Variants in ELP4 observed in about 807,000 individuals in gnomAD.
ELP4 encodes elongator complex protein 4.
ELP4 carries 51 observed loss-of-function variants against 48.9 expected under a neutral mutation model. The ratio of observed to expected loss-of-function variants is 1.04; its 90% confidence interval spans 0.83 to 1.32. The LOEUF is 1.32. Ranked by LOEUF, ELP4 falls within the 40% of genes most tolerant of loss-of-function variation. The probability of loss-of-function intolerance (pLI) is 0.00; values close to 1 mark genes in which losing one functional copy is unlikely to be tolerated. For synonymous variants in ELP4, 210 were observed against 189.2 expected, an observed-to-expected ratio of 1.11 and a Z score of -0.90; for missense variants, 519 against 514.6, an observed-to-expected ratio of 1.01 and a Z score of -0.08.
intron 3 of ELP4, among the ~76,000 whole-genome samples, chr11:31,553,621 G>A (rs2133931643): frequency 6.6e-6 from 1 of 151,912 alleles, no homozygotes; most frequent in South Asian, 2.1e-4. Context: ...ACTATTAACT[G>A]TCCGAGGTCT....
Position 31,678,519 on chromosome 11 carries a change from GTGTGTGTGTGTGTGTGTGTGTGTA to G in ELP4, c.1143+28300_1143+28323del, listed in dbSNP as rs1035619138. ...TATGTGTGTGTGTGTGTGTGTGTGT[GTGTGTGTGTGTGTGTGTGTGTGTA>G]TATGTGCATTTTATGTTCTCCTATG... On this transcript the variant is annotated intron_variant, in intron 9 of 9. Transcript: ENST00000640961. 5.2e-5 allele frequency among the ~76,000 whole-genome samples: 7 copies of G among 134,820 alleles called. No individual in the cohort carries two copies. In the East Asian group the frequency reaches 1.1e-3, roughly 20 times the overall value. 88.4% of individuals were successfully genotyped at this position (134,820 alleles called of 152,430 possible). A position where few individuals can be genotyped will look rare whatever the true frequency, so the allele number is the denominator to read the frequency against.
chr11:31,526,385 T>A (rs475012), intron 2 of ELP4, among the ~76,000 whole-genome samples: 13,291 of 152,076 alleles, frequency 0.087, 1,604 homozygotes, highest in African/African-American at 0.27. Flanking sequence ...ATCTCTAACG[T>A]CAAGTAGGCT....
chr11:31,713,447 A>G (rs1048632636), intron 9 of ELP4, among the ~76,000 whole-genome samples: 17 of 152,178 alleles, frequency 1.1e-4, no homozygotes. Context: ...TCAAAGTATA[A>G]TGATTATACA....
At chr11:31,581,297 A>G (rs1188872232) in intron 3 of ELP4, among the ~76,000 whole-genome samples, 2 of 152,138 alleles carry the variant, frequency 1.3e-5, no homozygotes, top group African/African-American at 4.8e-5. Context: ...TCTAGTGTTC[A>G]TATGTATTAG....
chr11:31,691,713 T>C, intron 9 of ELP4, among the ~76,000 whole-genome samples: 2 of 152,160 alleles, frequency 1.3e-5, no homozygotes, highest in East Asian at 3.8e-4. Context: ...CTGAAGTTTC[T>C]TTCTGATTTC....
At chr11:31,754,602 G>A (rs1423748221) in intron 9 of ELP4, among the ~76,000 whole-genome samples, 1 of 152,138 alleles carries the variant, frequency 6.6e-6, no homozygotes, top group African/African-American at 2.4e-5. Flanking sequence ...TGGGCATGCT[G>A]GCTCATGCCT....
intron 3 of ELP4, among the ~76,000 whole-genome samples, chr11:31,558,753 G>T (rs1260190214): frequency 6.6e-6 from 1 of 152,006 alleles, no homozygotes. Flanking sequence ...ATTTATTTTA[G>T]TCCTCCAATT....
intron 3 of ELP4, among the ~76,000 whole-genome samples, chr11:31,582,524 A>C (rs945250119): frequency 1.9e-4 from 29 of 152,018 alleles, no homozygotes; most frequent in Non-Finnish European, 4.4e-5. Flanking sequence ...AATAAATATT[A>C]CTGTTTATTT....
chr11:31,610,353 AACTT>A (rs1445320253), intron 5 of ELP4, among the ~76,000 whole-genome samples: 2 of 151,966 alleles, frequency 1.3e-5, no homozygotes, highest in East Asian at 3.9e-4. Context: ...TTTGTTTTTT[AACTT>A]ACTTTATTTT....
chr11:31,560,874 A>T (rs1332521564), intron 3 of ELP4, among the ~76,000 whole-genome samples: 1 of 151,944 alleles, frequency 6.6e-6, no homozygotes, highest in East Asian at 1.9e-4. Flanking sequence ...ATACCCAAAT[A>T]TTCCCCATGT....
chr11:31,557,384 A>G (rs1422090004), intron 3 of ELP4, among the ~76,000 whole-genome samples: 1 of 151,988 alleles, frequency 6.6e-6, no homozygotes, highest in Admixed American at 6.6e-5. Flanking sequence ...AGCTAAAGCA[A>G]TATTATTTGC....
chr11:31,619,333 A>G (rs1944565566), intron 5 of ELP4, among the ~76,000 whole-genome samples: 1 of 151,958 alleles, frequency 6.6e-6, no homozygotes, highest in Admixed American at 6.6e-5. Context: ...CAGAGTATAT[A>G]TTTGGCTACA....
intron 7 of ELP4, among the ~76,000 whole-genome samples, chr11:31,634,844 T>C (rs1224787639): frequency 6.6e-6 from 1 of 151,984 alleles, no homozygotes; most frequent in Non-Finnish European, 1.5e-5. Flanking sequence ...TATAAAGTTA[T>C]ATAGTGTGAC....
intron 9 of ELP4, among the ~76,000 whole-genome samples, chr11:31,744,342 A>G (rs1360029947): frequency 6.6e-6 from 1 of 152,232 alleles, no homozygotes; most frequent in Non-Finnish European, 1.5e-5. Context: ...ATTCCTTCTG[A>G]AACTATTCCA....
At chr11:31,592,346 C>T (rs1217099413) in intron 3 of ELP4, among the ~76,000 whole-genome samples, 3 of 151,926 alleles carry the variant, frequency 2.0e-5, no homozygotes, top group African/African-American at 7.2e-5. Context: ...GAGTTCAACA[C>T]CAGCCTGGGC....
In ELP4 at chr11:31,786,948, T is replaced by A. The variant is rs868679125; in HGVS notation, c.*3424T>A. 1.8e-5 allele frequency: 4 copies of A among 219,564 alleles called. No homozygotes were observed. Among genetic ancestry groups the A allele is most frequent in the Non-Finnish European group, 3.7e-5 (4 of 109,514 alleles). 13.6% of individuals were successfully genotyped at this position (219,564 alleles called of 1,614,324 possible). A position where few individuals can be genotyped will look rare whatever the true frequency, so the allele number is the denominator to read the frequency against. ...TCTACTGAAGTCTTCACAAATAATC[T>A]CCATCCTGGAAGATGGTGTCAAAAC... On this transcript the variant is annotated 3_prime_UTR_variant, in exon 10 of 10. Transcript: ENST00000640961.
chr11:31,616,406 T>G (rs538483055), intron 5 of ELP4, among the ~76,000 whole-genome samples: 30 of 152,140 alleles, frequency 2.0e-4, no homozygotes, highest in South Asian at 4.1e-4. Context: ...GATCCCTGTC[T>G]TACATCATAT....
intron 3 of ELP4, among the ~76,000 whole-genome samples, chr11:31,582,149 A>C (rs1957403086): frequency 6.6e-6 from 1 of 152,150 alleles, no homozygotes; most frequent in African/African-American, 2.4e-5. Flanking sequence ...TCTGCTACTT[A>C]ATTACTTTGC....
chr11:31,550,944 A>G (rs953701937), intron 3 of ELP4, among the ~76,000 whole-genome samples: 2 of 152,098 alleles, frequency 1.3e-5, no homozygotes, highest in South Asian at 2.1e-4. Flanking sequence ...CTTGCTAGCC[A>G]TTGCTTTGAT....
Sources: gnomAD v4.1 joint callset for allele counts (sites outside exome capture counted in the v4.1 genomes callset) on GRCh38, gnomAD v4.1.1 for gene constraint, MANE v1.5 for transcripts, NCBI Gene and HGNC (gene_info 2026-07-23, HGNC 2026-07-21) for gene names.